The following HS3ST5 variants were observed in gnomAD, a reference collection of about 807,000 sequenced individuals.
HS3ST5 encodes the protein heparan sulfate glucosamine 3-O-sulfotransferase 5.
A neutral mutation model predicts 25.4 loss-of-function variants in HS3ST5; 10 were observed. That is an observed-to-expected ratio of 0.39 (90% confidence interval 0.24 to 0.67). HS3ST5 has a LOEUF of 0.67. Among genes scored for constraint, HS3ST5 ranks in the 30% least tolerant of loss-of-function variants. HS3ST5 has a pLI of 0.44. For synonymous variants in HS3ST5, 170 were observed against 162.4 expected, an observed-to-expected ratio of 1.05 and a Z score of -0.36; for missense variants, 324 against 420.7, an observed-to-expected ratio of 0.77 and a Z score of 2.01.
intron 3 of HS3ST5, among the ~76,000 whole-genome samples, chr6:114,160,988 AT>A (rs983699739): frequency 2.0e-5 from 3 of 152,180 alleles, no homozygotes; most frequent in Non-Finnish European, 2.9e-5. Flanking sequence ...ACTCCAGATA[AT>A]TGGAAAGGAC....
chr6:114,335,795 A>G (rs1776586334), intron 1 of HS3ST5, among the ~76,000 whole-genome samples: 1 of 152,080 alleles, frequency 6.6e-6, no homozygotes, highest in Non-Finnish European at 1.5e-5. Flanking sequence ...GCTGGGATAC[A>G]GGCATGCACC....
At chr6:114,335,054 CT>C (rs1397415738) in intron 1 of HS3ST5, among the ~76,000 whole-genome samples, 2 of 152,010 alleles carry the variant, frequency 1.3e-5, no homozygotes. Context: ...ACAGAAAATA[CT>C]TGGGGGCTAA....
chr6:114,331,112 G>A (rs1166477706), intron 1 of HS3ST5, among the ~76,000 whole-genome samples: 2 of 152,170 alleles, frequency 1.3e-5, no homozygotes, highest in Non-Finnish European at 2.9e-5. Context: ...TGTAGACCAA[G>A]AATGGCTGAT....
At chr6:114,129,476 C>T (rs551440660) in intron 3 of HS3ST5, among the ~76,000 whole-genome samples, 3 of 151,990 alleles carry the variant, frequency 2.0e-5, no homozygotes, top group Admixed American at 6.6e-5. Flanking sequence ...AGGATGGTCT[C>T]GATCTCCTGA....
chr6:114,329,692 C>T (rs1776312593), intron 1 of HS3ST5, among the ~76,000 whole-genome samples: 1 of 152,142 alleles, frequency 6.6e-6, no homozygotes, highest in Admixed American at 6.5e-5. Flanking sequence ...GCTTTTACCC[C>T]ACTGAGGCTG....
chr6:114,233,614 A>T (rs1324673767), intron 1 of HS3ST5, among the ~76,000 whole-genome samples: 2 of 152,288 alleles, frequency 1.3e-5, no homozygotes, highest in South Asian at 2.1e-4. Flanking sequence ...CATGTTTGCT[A>T]TTTTCATGGT....
rs531017380 is a variant in HS3ST5, at chr6:114,157,324, T to C, written c.-33+11027A>G. Among the ~76,000 whole-genome samples the C allele has an allele frequency of 2.0e-5, 3 of 152,354 alleles. No homozygotes were observed. The East Asian group carries it at 5.8e-4, about 29-fold the overall frequency. ...TCCTGTCTCATTCCCATCCAATTCA[T>C]TCTTTACTTTGTTCCTAATATACAA... On this transcript the variant is annotated intron_variant, in intron 3 of 4. Coordinates refer to ENST00000312719, the MANE Select transcript of HS3ST5 (RefSeq NM_153612.4).
At position 114,242,865 on chromosome 6, in the gene HS3ST5, A is replaced by G. The variant is rs187676442; in HGVS notation, c.-338-14087T>C. Among the ~76,000 whole-genome samples the G allele has an allele frequency of 4.8e-3, 731 of 152,004 alleles. 7 individuals are homozygous for G. Among genetic ancestry groups the G allele is most frequent in the African/African-American group, 0.017 (697 of 41,502 alleles). On this transcript the variant is annotated intron_variant, in intron 1 of 4. Coordinates refer to ENST00000312719, the MANE Select transcript of HS3ST5 (RefSeq NM_153612.4). ...ACAGAGCGAGACTCCGTCTCAAAAA[A>G]AAAAAAAAAAAGAAGAAGGTGGGAT...
At chr6:114,080,506 T>G (rs981048416) in intron 3 of HS3ST5, among the ~76,000 whole-genome samples, 1 of 152,208 alleles carries the variant, frequency 6.6e-6, no homozygotes, top group African/African-American at 2.4e-5. Flanking sequence ...GCAGCACTAT[T>G]CACAATAGCA....
At chr6:114,295,956 C>T (rs1349459691) in intron 1 of HS3ST5, among the ~76,000 whole-genome samples, 2 of 152,164 alleles carry the variant, frequency 1.3e-5, no homozygotes, top group Non-Finnish European at 2.9e-5. Context: ...TTGAAAGTTG[C>T]TCCTATTGTG....
chr6:114,169,368 C>T (rs373269603), intron 2 of HS3ST5, among the ~76,000 whole-genome samples: 1 of 152,230 alleles, frequency 6.6e-6, no homozygotes, highest in Non-Finnish European at 1.5e-5. Context: ...GGCTAATAGC[C>T]AGCTACTGAG....
chr6:114,060,961 C>T lies in HS3ST5; in HGVS notation c.107+1778G>A, dbSNP rs545436817. Among the ~76,000 whole-genome samples, 292 of 152,194 alleles carry T rather than the reference C, an allele frequency of 1.9e-3. 13 individuals are homozygous for T. In the South Asian group the frequency reaches 0.059, roughly 31 times the overall value. ...GATTGGAAGGGATGGTAGAAGTAACCTCTGTCTCCCTCCCAGAAAGCAGGG... is the reference window on the plus strand; with the variant it reads ...GATTGGAAGGGATGGTAGAAGTAACTTCTGTCTCCCTCCCAGAAAGCAGGG... On this transcript the variant is annotated intron_variant, in intron 4 of 4. Transcript: ENST00000312719.
At chr6:114,274,216 C>T (rs913959607) in intron 1 of HS3ST5, among the ~76,000 whole-genome samples, 3 of 151,902 alleles carry the variant, frequency 2.0e-5, no homozygotes, top group Non-Finnish European at 2.9e-5. Context: ...AAGTTCTCTT[C>T]TGATGCTTCT....
chr6:114,340,238 A>G (rs1404987839), intron 1 of HS3ST5, among the ~76,000 whole-genome samples: 3 of 152,200 alleles, frequency 2.0e-5, no homozygotes, highest in African/African-American at 4.8e-5. Flanking sequence ...CTCAACCTAG[A>G]AACCAGGATC....
chr6:114,093,419 C>G (rs1440616987), intron 3 of HS3ST5, among the ~76,000 whole-genome samples: 2 of 144,804 alleles, frequency 1.4e-5, no homozygotes, highest in Admixed American at 1.4e-4. Flanking sequence ...TCTGTCTGCC[C>G]CTCTTTGCTT....
chr6:114,100,434 G>A (rs1233517076), intron 3 of HS3ST5, among the ~76,000 whole-genome samples: 1 of 151,832 alleles, frequency 6.6e-6, no homozygotes, highest in African/African-American at 2.4e-5. Context: ...GAGATGGTCT[G>A]ATTTAAAAAA....
intron 2 of HS3ST5, among the ~76,000 whole-genome samples, chr6:114,182,483 G>A (rs1038793309): frequency 2.6e-5 from 4 of 152,162 alleles, no homozygotes; most frequent in East Asian, 3.9e-4. Flanking sequence ...GCTCTGATAC[G>A]TTAAGCAGAT....
intron 4 of HS3ST5, among the ~76,000 whole-genome samples, chr6:114,062,425 C>A (rs1036698431): frequency 2.0e-5 from 3 of 152,148 alleles, no homozygotes; most frequent in Non-Finnish European, 4.4e-5. Context: ...AGCTAGAGGT[C>A]AACACCAGAT....
chr6:114,271,110 T>C (rs573671985), intron 1 of HS3ST5, among the ~76,000 whole-genome samples: 8 of 152,220 alleles, frequency 5.3e-5, no homozygotes, highest in Admixed American at 5.2e-4. Context: ...GTATTTCCAT[T>C]AACTAATAAT....
Sources: allele counts gnomAD v4.1 joint callset (sites outside exome capture counted in the v4.1 genomes callset), GRCh38; gene constraint gnomAD v4.1.1; transcripts MANE v1.5; gene names NCBI Gene and HGNC (gene_info 2026-07-23, HGNC 2026-07-21).